The following GTF2IRD1 variants were observed in gnomAD, a reference collection of about 807,000 sequenced individuals.
GTF2IRD1 encodes GTF2I repeat domain containing 1, also known as general transcription factor II-I repeat domain-containing protein 1.
In GTF2IRD1, 26 loss-of-function variants were observed where a neutral mutation model predicts 113.2. The observed-to-expected ratio is 0.23, with a 90% CI of 0.17 to 0.32. The LOEUF (loss-of-function observed/expected upper bound fraction) is 0.32. Ranked by LOEUF, GTF2IRD1 falls within the 10% of genes least tolerant of loss-of-function variation. GTF2IRD1 has a pLI of 1.00. For missense variants in GTF2IRD1, 864 were observed against 1,280.8 expected (o/e 0.67, Z 4.97); for synonymous variants, 484 against 529.1 (o/e 0.91, Z 1.17).
rs144044450 is a variant in GTF2IRD1 at position 74,508,840 on chromosome 7, T to C, written c.123+637T>C. Among the ~76,000 whole-genome samples, 1,319 of 152,140 alleles carry C rather than the reference T, an allele frequency of 8.7e-3. 49 individuals carry two copies. Among genetic ancestry groups the C allele is most frequent in the Admixed American group, 0.062 (951 of 15,268 alleles). ...AGCAGGTGACCTGGGGGATAATGTG[T>C]GGGGAGCCATTCACTAGAAAGATGT... On this transcript the variant is annotated intron_variant, in intron 2 of 26. Coordinates refer to ENST00000424337, the MANE Select transcript of GTF2IRD1 (RefSeq NM_005685.4).
intron 17 of GTF2IRD1, among the ~76,000 whole-genome samples, chr7:74,549,300 C>T (rs1396098146): frequency 2.4e-5 from 3 of 124,002 alleles, no homozygotes; most frequent in Admixed American, 7.8e-5. Context: ...AAGACTCTGT[C>T]TCAAAAAAAA....
At chr7:74,509,984 C>G (rs956667963) in intron 2 of GTF2IRD1, among the ~76,000 whole-genome samples, 5 of 152,022 alleles carry the variant, frequency 3.3e-5, no homozygotes, top group Non-Finnish European at 5.9e-5. Context: ...CCAGCAAGAC[C>G]AGTTTTTAGA....
intron 11 of GTF2IRD1, 149 bp downstream of exon 11, chr7:74,536,424 C>T: frequency 1.7e-6 from 1 of 587,206 alleles, no homozygotes; most frequent in East Asian, 2.9e-5. Flanking sequence ...ACAGACTCCA[C>T]CTACTTCCCT....
chr7:74,577,907 A>C (rs1410289865), intron 22 of GTF2IRD1, among the ~76,000 whole-genome samples: 1 of 152,168 alleles, frequency 6.6e-6, no homozygotes, highest in Non-Finnish European at 1.5e-5. Context: ...TCCTGGGCTC[A>C]AACAATCCTC....
At chr7:74,533,539 C>A (rs905694315) in intron 9 of GTF2IRD1, among the ~76,000 whole-genome samples, 2 of 152,180 alleles carry the variant, frequency 1.3e-5, no homozygotes, top group South Asian at 2.1e-4. Context: ...CTTGTCATGA[C>A]CATTGGGGCA....
Position 74,536,238 on chromosome 7 carries a change from T to C in GTF2IRD1, c.1372T>C (p.Ser458Pro). 4.3e-6 allele frequency: 7 copies of C among 1,613,062 alleles called. No individual in the cohort carries two copies. The highest frequency in any genetic ancestry group is 5.9e-6 in the Non-Finnish European group (7 of 1,179,152). Reference protein sequence around the residue: ...SPPEDTSAEVSRATVLDLAGN... With the variant: ...SPPEDTSAEVPRATVLDLAGN... ...GCCAGAGGACACCTCTGCAGAGGTC[T>C]CTAGGGCCACCGTCCTTGACCTTGC... The change falls in exon 11 of 27, where the codon TCT becomes CCT. Residue 458 changes from serine (S) to proline (P), a missense_variant. Ser to Pro is a moderately conservative substitution (Grantham distance 74). Transcript: ENST00000424337.
At position 74,518,265 on chromosome 7, in the gene GTF2IRD1, C is replaced by T; in HGVS notation, c.548C>T (p.Pro183Leu). ...LAFRRPAEYD[P>L]KALMAILEHS... ...TTCCGAAGGCCAGCCGAGTATGACC[C>T]CAAGGCCCTCATGGCCATCCTGGAA... The change falls in exon 5 of 27, where the codon CCC (proline) becomes CTC (leucine). Residue 183 changes from proline to leucine, a missense_variant. Transcript: ENST00000424337. 6.2e-7 allele frequency: 1 copy of T among 1,610,698 alleles called. No individual in the cohort carries two copies. The highest frequency in any genetic ancestry group is 8.5e-7 in the Non-Finnish European group (1 of 1,178,176).
At chr7:74,478,223 A>G (rs1554333898) in intron 1 of GTF2IRD1, among the ~76,000 whole-genome samples, 1 of 152,134 alleles carries the variant, frequency 6.6e-6, no homozygotes, top group Non-Finnish European at 1.5e-5. Context: ...ACAGAGATAT[A>G]CTGTGAGCAA....
chr7:74,466,469 C>A (rs1332769904), intron 1 of GTF2IRD1, among the ~76,000 whole-genome samples: 1 of 152,160 alleles, frequency 6.6e-6, no homozygotes, highest in East Asian at 1.9e-4. Flanking sequence ...CATGGCCAGG[C>A]CCTGCCTGTG....
chr7:74,590,118 G>T (rs587618176), intron 23 of GTF2IRD1, among the ~76,000 whole-genome samples, 190 bp downstream of exon 23: 3 of 151,990 alleles, frequency 2.0e-5, no homozygotes, highest in South Asian at 4.1e-4. Context: ...GTCTCACTCT[G>T]TTGCCCAAGC....
intron 1 of GTF2IRD1, among the ~76,000 whole-genome samples, chr7:74,485,543 G>A (rs1794973361): frequency 6.6e-6 from 1 of 152,058 alleles, no homozygotes; most frequent in African/African-American, 2.4e-5. Flanking sequence ...TGTGAACCCA[G>A]GAGGCGGAGC....
chr7:74,463,990 C>T (rs1239702512), intron 1 of GTF2IRD1, among the ~76,000 whole-genome samples: 4 of 152,120 alleles, frequency 2.6e-5, no homozygotes, highest in Non-Finnish European at 4.4e-5. Flanking sequence ...TCCCAGAGTG[C>T]TGGAATTACA....
intron 20 of GTF2IRD1, among the ~76,000 whole-genome samples, 181 bp from the exon 21 acceptor site, chr7:74,558,680 G>A (rs1554358083): frequency 2.6e-5 from 4 of 151,852 alleles, no homozygotes; most frequent in Non-Finnish European, 5.9e-5. Flanking sequence ...TTTATGTTCT[G>A]ATCAAACAGC....
At chr7:74,568,337 T>TAAAAAAAA (rs782743930) in intron 22 of GTF2IRD1, among the ~76,000 whole-genome samples, 2,172 of 91,890 alleles carry the variant, frequency 0.024, 63 homozygotes, top group Non-Finnish European at 0.027. Flanking sequence ...CATCTCTATT[T>TAAAAAAAA]AAAAAAAAAA....
intron 13 of GTF2IRD1, among the ~76,000 whole-genome samples, chr7:74,539,107 A>T (rs1345855636): frequency 1.3e-5 from 2 of 152,038 alleles, no homozygotes; most frequent in Non-Finnish European, 2.9e-5. Context: ...TTCAGAGGAG[A>T]GGATAGATTT....
intron 17 of GTF2IRD1, among the ~76,000 whole-genome samples, chr7:74,552,930 C>T (rs1441941855): frequency 4.0e-5 from 6 of 151,828 alleles, no homozygotes; most frequent in South Asian, 4.2e-4. Flanking sequence ...CTCCGCCTCC[C>T]GGGTTCCAGC....
intron 1 of GTF2IRD1, among the ~76,000 whole-genome samples, chr7:74,461,141 A>C (rs1554329106): frequency 6.6e-6 from 1 of 152,188 alleles, no homozygotes; most frequent in Non-Finnish European, 1.5e-5. Flanking sequence ...GGGATGCCAC[A>C]GCATGGGTGT....
At position 74,589,934 on chromosome 7, in the gene GTF2IRD1, T is replaced by G; in HGVS notation, c.2398+6T>G. 1 of 1,589,748 alleles carries G rather than the reference T, an allele frequency of 6.3e-7. No individual in the cohort carries two copies. Among genetic ancestry groups the G allele is most frequent in the Non-Finnish European group, 8.6e-7 (1 of 1,158,182 alleles). ...ACTCTTCAACGAGAAATACGGTCAG[T>G]GCCTGTGGTCAGGGTCAGCACACCA... On this transcript the variant is annotated splice_donor_region_variant and intron_variant, in intron 23 of 26. Coordinates refer to ENST00000424337, the MANE Select transcript of GTF2IRD1 (RefSeq NM_005685.4).
At chr7:74,487,795 A>C (rs1305181243) in intron 1 of GTF2IRD1, among the ~76,000 whole-genome samples, 2 of 152,338 alleles carry the variant, frequency 1.3e-5, no homozygotes, top group African/African-American at 4.8e-5. Context: ...ACTTATACAT[A>C]ATGCATTTTT....
Sources: gnomAD v4.1 joint callset for allele counts (sites outside exome capture counted in the v4.1 genomes callset) on GRCh38, gnomAD v4.1.1 for gene constraint, MANE v1.5 for transcripts, NCBI Gene and HGNC (gene_info 2026-07-23, HGNC 2026-07-21) for gene names.